Variants in XRCC4 observed in about 807,000 individuals in gnomAD.
The protein encoded by XRCC4 is DNA repair protein XRCC4.
XRCC4 carries 28 observed loss-of-function variants against 39.1 expected under a neutral mutation model. The observed-to-expected ratio is 0.72, with a 90% confidence interval of 0.53 to 0.98. The LOEUF is 0.98. Among genes scored for constraint, XRCC4 ranks in the 50% least tolerant of loss-of-function variants. The pLI, the probability that XRCC4 is intolerant of heterozygous loss-of-function variation, is 0.00. For synonymous variants in XRCC4, 123 were observed against 126.4 expected (o/e 0.97, Z 0.18); for missense variants, 350 against 376.4 (o/e 0.93, Z 0.58).
intron 3 of XRCC4, among the ~76,000 whole-genome samples, chr5:83,141,615 ATTGT>A (rs1196855992): frequency 6.7e-5 from 10 of 148,816 alleles, no homozygotes; most frequent in African/African-American, 1.0e-4. Flanking sequence ...TTTTTTGTGT[ATTGT>A]TTGTTTGTGT....
At chr5:83,258,454 C>T in intron 6 of XRCC4, 76 bp from the exon 7 acceptor site, 1 of 1,522,150 alleles carries the variant, frequency 6.6e-7, no homozygotes, top group Non-Finnish European at 8.9e-7. Context: ...TATGTCAATG[C>T]TAAAACAGCA....
At chr5:83,135,472 G>A (rs1031895091) in intron 3 of XRCC4, among the ~76,000 whole-genome samples, 2 of 149,776 alleles carry the variant, frequency 1.3e-5, no homozygotes, top group Non-Finnish European at 3.0e-5. Flanking sequence ...AATATGCCAT[G>A]ATGTAGTTTT....
intron 6 of XRCC4, among the ~76,000 whole-genome samples, chr5:83,249,096 T>C (rs183868430): frequency 6.6e-6 from 1 of 152,284 alleles, no homozygotes; most frequent in East Asian, 1.9e-4. Context: ...GATTTTTTTA[T>C]ACCAGAAGTA....
intron 3 of XRCC4, among the ~76,000 whole-genome samples, chr5:83,158,983 A>G (rs1479528725): frequency 1.3e-5 from 2 of 152,134 alleles, no homozygotes; most frequent in Non-Finnish European, 2.9e-5. Flanking sequence ...AGCCCCAGCT[A>G]TTCTGTTCCT....
intron 3 of XRCC4, among the ~76,000 whole-genome samples, chr5:83,193,287 A>C (rs1483911269): frequency 2.6e-5 from 4 of 152,094 alleles, no homozygotes; most frequent in African/African-American, 9.7e-5. Flanking sequence ...AAAAAAAATT[A>C]ATCTGAGTAT....
intron 7 of XRCC4, among the ~76,000 whole-genome samples, chr5:83,339,370 A>G (rs370515072): frequency 3.7e-4 from 56 of 152,192 alleles, no homozygotes; most frequent in African/African-American, 1.3e-3. Context: ...AAAGTAACAC[A>G]AGAAGAGAAA....
intron 7 of XRCC4, among the ~76,000 whole-genome samples, chr5:83,338,739 T>G (rs1756666198): frequency 6.6e-6 from 1 of 152,098 alleles, no homozygotes; most frequent in Non-Finnish European, 1.5e-5. Flanking sequence ...CTGAAAAAAT[T>G]AGTAATTTGT....
chr5:83,249,583 A>C (rs1561431774), intron 6 of XRCC4, among the ~76,000 whole-genome samples: 1 of 152,162 alleles, frequency 6.6e-6, no homozygotes, highest in Non-Finnish European at 1.5e-5. Context: ...TCTGAGATTA[A>C]GCATGCATTG....
intron 6 of XRCC4, among the ~76,000 whole-genome samples, chr5:83,258,231 G>T (rs999412946): frequency 6.6e-6 from 1 of 151,888 alleles, no homozygotes; most frequent in Non-Finnish European, 1.5e-5. Flanking sequence ...ATGATTTCTA[G>T]TTACAATCCT....
At chr5:83,246,099 A>AT (rs1753090515) in intron 6 of XRCC4, among the ~76,000 whole-genome samples, 1 of 151,898 alleles carries the variant, frequency 6.6e-6, no homozygotes, top group Non-Finnish European at 1.5e-5. Flanking sequence ...CAGCATTTAT[A>AT]TTTTTTATTT....
In XRCC4 at chr5:83,161,427, C is replaced by T. The variant is rs375444662; in HGVS notation, c.316-34343C>T. Among the ~76,000 whole-genome samples the T allele has an allele frequency of 1.2e-3, 180 of 152,150 alleles. 4 individuals are homozygous for T. In the South Asian group the frequency reaches 0.035, roughly 29 times the overall value. The stretch of plus-strand genomic sequence containing the variant: ...GATTACAGGTGTGAGCCACCACGAC[C>T]GGCCCTTTTTATTCTTGTGAGATGA... On this transcript the variant is annotated intron_variant, in intron 3 of 7. Coordinates refer to ENST00000396027, the MANE Select transcript of XRCC4 (RefSeq NM_003401.5).
At chr5:83,226,056 C>T (rs1752279097) in intron 6 of XRCC4, among the ~76,000 whole-genome samples, 1 of 151,844 alleles carries the variant, frequency 6.6e-6, no homozygotes, top group Non-Finnish European at 1.5e-5. Context: ...TTTAAAGCCT[C>T]TTCTTTGTAC....
chr5:83,262,289 CT>C (rs898086706), intron 7 of XRCC4, among the ~76,000 whole-genome samples: 2 of 152,136 alleles, frequency 1.3e-5, no homozygotes, highest in African/African-American at 2.4e-5. Flanking sequence ...GGTTTATAAT[CT>C]TTTGAGAGAC....
intron 6 of XRCC4, among the ~76,000 whole-genome samples, chr5:83,239,891 C>G (rs544401712): frequency 6.6e-6 from 1 of 151,684 alleles, no homozygotes; most frequent in South Asian, 2.1e-4. Context: ...GGTGTGGTGA[C>G]GCATACCTAT....
At chr5:83,101,167 G>A (rs1745916911) in intron 1 of XRCC4, among the ~76,000 whole-genome samples, 1 of 151,978 alleles carries the variant, frequency 6.6e-6, no homozygotes, top group African/African-American at 2.4e-5. Flanking sequence ...ATGTTTTCAT[G>A]TTGGAAGTTT....
intron 1 of XRCC4, among the ~76,000 whole-genome samples, chr5:83,088,350 T>G (rs1745274117): frequency 6.6e-6 from 1 of 152,182 alleles, no homozygotes; most frequent in South Asian, 2.1e-4. Flanking sequence ...AGAGAAAGTG[T>G]CATTACTTTT....
At chr5:83,295,753 A>G (rs1755072383) in intron 7 of XRCC4, among the ~76,000 whole-genome samples, 2 of 151,534 alleles carry the variant, frequency 1.3e-5, no homozygotes, top group East Asian at 3.9e-4. Flanking sequence ...CACATGCACA[A>G]GCCTATCTAG....
At chr5:83,176,628 A>ATTT (rs112213729) in intron 3 of XRCC4, among the ~76,000 whole-genome samples, 1,877 of 145,782 alleles carry the variant, frequency 0.013, 27 homozygotes, top group Non-Finnish European at 0.018. Context: ...AAGTATTGGA[A>ATTT]TTTTTTTTTT....
chr5:83,123,641 A>G (rs2112451824), intron 3 of XRCC4, among the ~76,000 whole-genome samples: 1 of 151,982 alleles, frequency 6.6e-6, no homozygotes, highest in Non-Finnish European at 1.5e-5. Context: ...TGGGTTAAGT[A>G]TTTTTTATTA....
Sources: gnomAD v4.1 joint callset for allele counts (sites outside exome capture counted in the v4.1 genomes callset) on GRCh38, gnomAD v4.1.1 for gene constraint, MANE v1.5 for transcripts, NCBI Gene and HGNC (gene_info 2026-07-23, HGNC 2026-07-21) for gene names.